ARHGAP15: variants seen among roughly 807,000 people sequenced by gnomAD.
The protein encoded by ARHGAP15 is Rho GTPase activating protein 15, also known as rho GTPase-activating protein 15.
A neutral mutation model predicts 63.7 loss-of-function variants in ARHGAP15; 51 were observed. The observed-to-expected ratio is 0.80, with a 90% CI of 0.64 to 1.01. The LOEUF (loss-of-function observed/expected upper bound fraction) is 1.01, where lower values mean the gene tolerates loss of function less well. ARHGAP15 is among the 50% of genes least tolerant of loss of function. The probability of loss-of-function intolerance (pLI) is 0.00; values close to 1 mark genes in which losing one functional copy is unlikely to be tolerated. For missense variants in ARHGAP15, 560 were observed against 564.6 expected, an observed-to-expected ratio of 0.99 and a Z score of 0.08; for synonymous variants, 191 against 193.8, an observed-to-expected ratio of 0.99 and a Z score of 0.12.
At chr2:143,198,564 A>G (rs2105105508) in intron 2 of ARHGAP15, among the ~76,000 whole-genome samples, 1 of 152,292 alleles carries the variant, frequency 6.6e-6, no homozygotes, top group Non-Finnish European at 1.5e-5. Context: ...TTTATAAATC[A>G]TTACAATGAA....
In ARHGAP15 at chr2:143,153,843, T is replaced by TCTTCCTCCTCCTCCTCC. The variant is rs1558779622; in HGVS notation, c.-14-1634_-14-1633insCTTCCTCCTCCTCCTCC. Reference sequence around the variant, plus strand: ...CTTCTTCTTCTTCTTCTTCTTCTTCTTCCTCCTCCTCCTCCTCCTCCTCCT... The same window carrying TCTTCCTCCTCCTCCTCC: ...CTTCTTCTTCTTCTTCTTCTTCTTCTCTTCCTCCTCCTCCTCCTCCTCCTCCTCCTCCTCCTCCTCCT... On this transcript the variant is annotated intron_variant, in intron 1 of 13. Transcript: ENST00000295095. Among the ~76,000 whole-genome samples, 36 of 86,888 alleles carry TCTTCCTCCTCCTCCTCC rather than the reference T, an allele frequency of 4.1e-4. 2 individuals are homozygous for TCTTCCTCCTCCTCCTCC. Among genetic ancestry groups the TCTTCCTCCTCCTCCTCC allele is most frequent in the Middle Eastern group, 6.3e-3 (1 of 158 alleles). The allele number at this position is 86,888 out of a possible 152,430, so 57.0% of individuals were successfully genotyped here.
intron 12 of ARHGAP15, among the ~76,000 whole-genome samples, chr2:143,644,085 GATTT>G (rs930186367): frequency 6.6e-6 from 1 of 152,080 alleles, no homozygotes; most frequent in African/African-American, 2.4e-5. Context: ...AAGCATAACA[GATTT>G]ATTTAATCAA....
At chr2:143,491,592 A>T (rs1294882551) in intron 9 of ARHGAP15, among the ~76,000 whole-genome samples, 2 of 152,314 alleles carry the variant, frequency 1.3e-5, no homozygotes, top group South Asian at 4.1e-4. Flanking sequence ...AATAAATAGC[A>T]CACCTCAGGG....
intron 8 of ARHGAP15, among the ~76,000 whole-genome samples, chr2:143,458,628 G>C (rs541560850): frequency 6.6e-6 from 1 of 152,282 alleles, no homozygotes; most frequent in African/African-American, 2.4e-5. Context: ...TCTGGCTCTT[G>C]TCAATTAAGA....
At chr2:143,413,526 A>G (rs1372660156) in intron 6 of ARHGAP15, among the ~76,000 whole-genome samples, 2 of 152,232 alleles carry the variant, frequency 1.3e-5, no homozygotes, top group Admixed American at 6.5e-5. Context: ...AATCAATAAC[A>G]GCTGTAATAA....
chr2:143,636,992 T>A (rs914475414), intron 12 of ARHGAP15, among the ~76,000 whole-genome samples: 1 of 152,100 alleles, frequency 6.6e-6, no homozygotes, highest in African/African-American at 2.4e-5. Context: ...AAACACAAGA[T>A]CATTGTGTCC....
rs542724762 is a variant in ARHGAP15, at chr2:143,469,911, G to A, written c.704-17462G>A. ...GGGTCTGAGACCTCAGCCACATGCT[G>A]GACTACCCTTTCCAAGAACCTCAAT... On this transcript the variant is annotated intron_variant, in intron 8 of 13. Coordinates refer to ENST00000295095, the MANE Select transcript of ARHGAP15 (RefSeq NM_018460.4). Among the ~76,000 whole-genome samples, 212 of 152,096 alleles carry A rather than the reference G, an allele frequency of 1.4e-3. 1 individual carries two copies. Among genetic ancestry groups the A allele is most frequent in the African/African-American group, 4.7e-3 (194 of 41,492 alleles).
chr2:143,272,313 T>A (rs970469028), intron 6 of ARHGAP15, among the ~76,000 whole-genome samples: 1 of 152,112 alleles, frequency 6.6e-6, no homozygotes, highest in Non-Finnish European at 1.5e-5. Flanking sequence ...CTGCTTAACA[T>A]CCATACTTTT....
At chr2:143,526,207 T>G (rs1228196334) in intron 10 of ARHGAP15, among the ~76,000 whole-genome samples, 1 of 152,130 alleles carries the variant, frequency 6.6e-6, no homozygotes, top group Non-Finnish European at 1.5e-5. Context: ...AAAGAAAGCT[T>G]AAACATAACA....
intron 13 of ARHGAP15, among the ~76,000 whole-genome samples, chr2:143,742,606 T>A (rs1421361137): frequency 2.0e-5 from 3 of 152,234 alleles, no homozygotes; most frequent in Non-Finnish European, 4.4e-5. Flanking sequence ...AGTCTGTGTT[T>A]ACAAAACGAT....
At chr2:143,283,785 A>G (rs1175390108) in intron 6 of ARHGAP15, among the ~76,000 whole-genome samples, 1 of 152,134 alleles carries the variant, frequency 6.6e-6, no homozygotes, top group African/African-American at 2.4e-5. Flanking sequence ...CTTTCTATCC[A>G]GGTCTGTCTT....
At chr2:143,170,338 A>T (rs1029644145) in intron 2 of ARHGAP15, among the ~76,000 whole-genome samples, 1 of 152,162 alleles carries the variant, frequency 6.6e-6, no homozygotes. Context: ...TGTACTCGGC[A>T]TTATGCTAAG....
chr2:143,457,390 A>G (rs1690710550), intron 8 of ARHGAP15, among the ~76,000 whole-genome samples: 1 of 151,796 alleles, frequency 6.6e-6, no homozygotes, highest in African/African-American at 2.4e-5. Flanking sequence ...AATAAAATAC[A>G]AAACAATTAG....
chr2:143,691,151 T>C (rs1683582536), intron 12 of ARHGAP15, among the ~76,000 whole-genome samples: 1 of 152,212 alleles, frequency 6.6e-6, no homozygotes, highest in Non-Finnish European at 1.5e-5. Flanking sequence ...GTGAGGTGTT[T>C]GCCATTACAT....
At chr2:143,755,273 A>AT (rs984127575) in intron 13 of ARHGAP15, among the ~76,000 whole-genome samples, 5 of 118,604 alleles carry the variant, frequency 4.2e-5, no homozygotes, top group Non-Finnish European at 6.9e-5. Context: ...GCCAGCATAT[A>AT]TGGGGGGGGG....
intron 11 of ARHGAP15, among the ~76,000 whole-genome samples, chr2:143,562,694 AC>A (rs1696081641): frequency 6.6e-6 from 1 of 152,196 alleles, no homozygotes; most frequent in Admixed American, 6.5e-5. Context: ...GGCTTTGGAA[AC>A]TTTCTTAGAC....
intron 13 of ARHGAP15, among the ~76,000 whole-genome samples, chr2:143,717,029 T>A (rs778208243): frequency 1.6e-4 from 24 of 152,242 alleles, no homozygotes; most frequent in Non-Finnish European, 2.5e-4. Context: ...GGGTCCTTTT[T>A]AAAAACAATT....
chr2:143,511,801 G>A (rs1693603551), intron 9 of ARHGAP15, among the ~76,000 whole-genome samples: 1 of 152,156 alleles, frequency 6.6e-6, no homozygotes. Flanking sequence ...TGAAACTCTA[G>A]GTGTATTAGA....
chr2:143,269,297 A>G (rs1244995670), intron 6 of ARHGAP15, among the ~76,000 whole-genome samples: 1 of 152,168 alleles, frequency 6.6e-6, no homozygotes, highest in Non-Finnish European at 1.5e-5. Context: ...TTAACACATG[A>G]GGTTGAATTT....
Sources: gnomAD v4.1 joint callset for allele counts (sites outside exome capture counted in the v4.1 genomes callset) on GRCh38, gnomAD v4.1.1 for gene constraint, MANE v1.5 for transcripts, NCBI Gene and HGNC (gene_info 2026-07-23, HGNC 2026-07-21) for gene names.